PCDHA4: variants seen among roughly 807,000 people sequenced by gnomAD.
PCDHA4 encodes the protein protocadherin alpha 4, also known as protocadherin alpha-4.
Under a neutral mutation model 61.4 loss-of-function variants are expected in PCDHA4, and 49 were observed. The ratio of observed to expected loss-of-function variants is 0.80; its 90% CI spans 0.63 to 1.01. PCDHA4 has a LOEUF of 1.01. Among genes scored for constraint, PCDHA4 ranks in the 50% least tolerant of loss-of-function variants. The pLI is 0.00. For synonymous variants in PCDHA4, 590 were observed against 550.3 expected (o/e 1.07, Z -1.01); for missense variants, 1,254 against 1,235.8 (o/e 1.01, Z -0.22).
intron 1 of PCDHA4, chr5:140,857,539 G>T (rs782469087): frequency 6.3e-7 from 1 of 1,597,270 alleles, no homozygotes; most frequent in African/African-American, 1.3e-5. Flanking sequence ...TGGAGCGGCG[G>T]TTGGGCGAGC....
At chr5:140,812,697 G>T (rs1368879557) in intron 1 of PCDHA4, 2 of 152,218 alleles carry the variant, frequency 1.3e-5, no homozygotes, top group African/African-American at 4.8e-5. Flanking sequence ...CCCTGCAAGT[G>T]ATCCTTGTGC....
chr5:140,853,543 A>G (rs2042787670), intron 1 of PCDHA4: 2 of 979,444 alleles, frequency 2.0e-6, no homozygotes, highest in Middle Eastern at 5.4e-4. Context: ...TTCAAGTTGT[A>G]ATTACTATAT....
chr5:140,878,800 A>T (rs1324441458), intron 1 of PCDHA4, among the ~76,000 whole-genome samples: 1 of 152,182 alleles, frequency 6.6e-6, no homozygotes, highest in Non-Finnish European at 1.5e-5. Context: ...CTTTTTAAAA[A>T]CATATGGGGG....
In PCDHA4 at chr5:141,003,361, G is replaced by A. The variant is rs2098120892; in HGVS notation, c.2534-6266G>A. Among the ~76,000 whole-genome samples the A allele has an allele frequency of 5.9e-5, 9 of 152,298 alleles. No individual in the cohort carries two copies. The South Asian group carries it at 1.9e-3, about 32-fold the overall frequency. On this transcript the variant is annotated intron_variant, in intron 3 of 3. Coordinates refer to ENST00000530339, the MANE Select transcript of PCDHA4 (RefSeq NM_018907.4). ...TTTGTTTGCTCTGTCACCCAGGCTG[G>A]AGTGCAGTGGTGCAATCTCAGCTCA...
chr5:140,876,031 G>C, intron 1 of PCDHA4: 2 of 1,613,702 alleles, frequency 1.2e-6, no homozygotes, highest in Non-Finnish European at 1.7e-6. Flanking sequence ...AACAAAAAAA[G>C]ATAAAAGTAT....
At chr5:140,863,193 G>A (rs1271562908) in intron 1 of PCDHA4, 15 of 840,280 alleles carry the variant, frequency 1.8e-5, no homozygotes, top group Non-Finnish European at 2.3e-5. Context: ...CCGTGGTGGC[G>A]TCGCTGGCGG....
chr5:140,929,166 C>A (rs782695019), intron 1 of PCDHA4: 1 of 1,614,146 alleles, frequency 6.2e-7, no homozygotes, highest in Admixed American at 1.7e-5. Context: ...TCTATCGGGC[C>A]TCTCTGGGAC....
chr5:140,998,107 A>G (rs138517610), intron 3 of PCDHA4, among the ~76,000 whole-genome samples: 1 of 152,328 alleles, frequency 6.6e-6, no homozygotes, highest in Non-Finnish European at 1.5e-5. Flanking sequence ...AACAGAGGAG[A>G]AAATTTACTT....
chr5:140,845,660 T>C (rs1779973975), intron 1 of PCDHA4, among the ~76,000 whole-genome samples: 1 of 149,710 alleles, frequency 6.7e-6, no homozygotes, highest in African/African-American at 2.4e-5. Context: ...AATTTTTGTA[T>C]GTGTAGCCAT....
At chr5:140,978,909 C>G (rs782321430) in intron 1 of PCDHA4, 40 bp from the exon 2 acceptor site, 2 of 1,613,660 alleles carry the variant, frequency 1.2e-6, no homozygotes, top group South Asian at 2.2e-5. Context: ...AGAACATTGT[C>G]TTGTCATTTT....
At chr5:140,821,790 G>A in intron 1 of PCDHA4, 1 of 1,612,306 alleles carries the variant, frequency 6.2e-7, no homozygotes, top group Non-Finnish European at 8.5e-7. Flanking sequence ...TATATTCCCG[G>A]AGAGGAAGTC....
At chr5:140,923,877 C>T (rs555626217) in intron 1 of PCDHA4, among the ~76,000 whole-genome samples, 5 of 152,284 alleles carry the variant, frequency 3.3e-5, no homozygotes, top group East Asian at 1.9e-4. Flanking sequence ...ATCTGAGAAG[C>T]GTGTGAAAGA....
At chr5:140,856,514 G>A in intron 1 of PCDHA4, 1 of 1,598,422 alleles carries the variant, frequency 6.3e-7, no homozygotes. Context: ...ACTAGAAGGC[G>A]CATCTGATGC....
At chr5:140,836,206 C>T (rs1554135734) in intron 1 of PCDHA4, 3 of 1,613,832 alleles carry the variant, frequency 1.9e-6, no homozygotes, top group South Asian at 2.2e-5. Context: ...GCGTGGCTTT[C>T]GTATGAGTTG....
chr5:140,934,555 CT>C (rs1355336850), intron 1 of PCDHA4, among the ~76,000 whole-genome samples: 2 of 151,972 alleles, frequency 1.3e-5, no homozygotes, highest in African/African-American at 2.4e-5. Context: ...ATCATTTCTT[CT>C]TTTTTTTAAT....
intron 3 of PCDHA4, among the ~76,000 whole-genome samples, chr5:140,993,460 T>TCACACACACA (rs1554253699): frequency 5.7e-5 from 6 of 104,506 alleles, no homozygotes; most frequent in African/African-American, 7.8e-5. Flanking sequence ...CTTCTTTCTT[T>TCACACACACA]CTCACACACA....
At chr5:140,905,446 A>G (rs1421760693) in intron 1 of PCDHA4, among the ~76,000 whole-genome samples, 2 of 152,180 alleles carry the variant, frequency 1.3e-5, no homozygotes, top group East Asian at 3.9e-4. Flanking sequence ...GCCTTTTAGT[A>G]TAATTTAAAG....
chr5:140,842,182 T>A (rs200850648), intron 1 of PCDHA4: 1 of 1,613,440 alleles, frequency 6.2e-7, no homozygotes, highest in Non-Finnish European at 8.5e-7. Flanking sequence ...TTGTTGAAAC[T>A]ATGGTTATTG....
chr5:140,855,043 A>T (rs1177113480), intron 1 of PCDHA4, among the ~76,000 whole-genome samples: 2 of 149,900 alleles, frequency 1.3e-5, no homozygotes, highest in African/African-American at 4.9e-5. Flanking sequence ...TTTTTCTGTA[A>T]TAGTACTTTT....
Sources: allele counts gnomAD v4.1 joint callset (sites outside exome capture counted in the v4.1 genomes callset), GRCh38; gene constraint gnomAD v4.1.1; transcripts MANE v1.5; gene names NCBI Gene and HGNC (gene_info 2026-07-23, HGNC 2026-07-21).